METTL15: variants seen among roughly 807,000 people sequenced by gnomAD.
METTL15 encodes 12S rRNA N(4)-cytidine methyltransferase METTL15.
Under a neutral mutation model 38.3 loss-of-function variants are expected in METTL15, and 34 were observed. That is an observed-to-expected ratio of 0.89 (90% CI 0.68 to 1.18). The LOEUF (loss-of-function observed/expected upper bound fraction) is 1.18, where lower values mean the gene tolerates loss of function less well. Among genes scored for constraint, METTL15 ranks in the 50% most tolerant of loss-of-function variants. The pLI is 0.00. For missense variants in METTL15, 438 were observed against 498.4 expected (o/e 0.88, Z 1.15); for synonymous variants, 162 against 170.9 (o/e 0.95, Z 0.41).
At chr11:28,285,839 G>T (rs977039867) in intron 4 of METTL15, among the ~76,000 whole-genome samples, 102 of 152,182 alleles carry the variant, frequency 6.7e-4, no homozygotes, top group African/African-American at 2.3e-3. Context: ...GAAAAAAGAA[G>T]AATCTTCTTT....
intron 4 of METTL15, among the ~76,000 whole-genome samples, chr11:28,222,608 G>A (rs1419447323): frequency 1.3e-5 from 2 of 152,192 alleles, no homozygotes; most frequent in Non-Finnish European, 2.9e-5. Context: ...TGGTACCTCA[G>A]TTGGAAGTGC....
chr11:28,530,991 G>T (rs1262774175), downstream of METTL15, among the ~76,000 whole-genome samples: 1 of 150,714 alleles, frequency 6.6e-6, no homozygotes. Context: ...TATAATTCTA[G>T]TTTTTTTTTA....
At chr11:28,246,466 G>T (rs1319063928) in intron 4 of METTL15, among the ~76,000 whole-genome samples, 1 of 152,074 alleles carries the variant, frequency 6.6e-6, no homozygotes, top group Non-Finnish European at 1.5e-5. Flanking sequence ...ATATTACTGA[G>T]ACATTAGGAG....
At chr11:28,131,191 C>A (rs905924469) in intron 3 of METTL15, among the ~76,000 whole-genome samples, 2 of 152,114 alleles carry the variant, frequency 1.3e-5, no homozygotes, top group East Asian at 3.9e-4. Context: ...GAGAAAGCTT[C>A]TATTTTGCAC....
At chr11:28,165,165 C>G (rs1002160623) in intron 3 of METTL15, among the ~76,000 whole-genome samples, 2 of 152,078 alleles carry the variant, frequency 1.3e-5, no homozygotes, top group African/African-American at 4.8e-5. Flanking sequence ...GTGCAGATAT[C>G]TCTTTGATAT....
At chr11:28,227,437 A>T (rs748221483) in intron 4 of METTL15, among the ~76,000 whole-genome samples, 3 of 151,882 alleles carry the variant, frequency 2.0e-5, no homozygotes, top group Non-Finnish European at 2.9e-5. Context: ...TTTGAATTCA[A>T]TTTAGAACAT....
At chr11:28,217,657 G>T (rs1382707166) in intron 4 of METTL15, among the ~76,000 whole-genome samples, 1 of 152,098 alleles carries the variant, frequency 6.6e-6, no homozygotes, top group Non-Finnish European at 1.5e-5. Flanking sequence ...GAATGGTATT[G>T]CCTAGGTTTT....
At chr11:28,206,846 A>G (rs1370025960) in intron 3 of METTL15, among the ~76,000 whole-genome samples, 2 of 74,146 alleles carry the variant, frequency 2.7e-5, no homozygotes, top group Non-Finnish European at 5.1e-5. Flanking sequence ...TTGGATTCCT[A>G]GGTATTTTAT....
chr11:28,125,084 CTG>C lies in METTL15; in HGVS notation c.270+11483_270+11484del, dbSNP rs753357969. On this transcript the variant is annotated intron_variant, in intron 3 of 6. Transcript: ENST00000407364. ...CAGGTTTTTCAGAAAATTGAGATAACTGTGAGAGAGGAATGTTGTAGAATGTT... is the reference window on the plus strand; with the variant it reads ...CAGGTTTTTCAGAAAATTGAGATAACTGAGAGAGGAATGTTGTAGAATGTT... 3.3e-5 allele frequency among the ~76,000 whole-genome samples: 5 copies of C among 152,110 alleles called. No homozygotes were observed. The South Asian group carries it at 8.3e-4, about 25-fold the overall frequency.
intron 5 of METTL15, among the ~76,000 whole-genome samples, chr11:28,367,917 C>G (rs1824201893): frequency 6.6e-6 from 1 of 151,816 alleles, no homozygotes; most frequent in South Asian, 2.1e-4. Flanking sequence ...AACTGGAACC[C>G]TTTTACAACT....
intron 5 of METTL15, among the ~76,000 whole-genome samples, chr11:28,370,851 T>A (rs1850236655): frequency 6.6e-6 from 1 of 152,104 alleles, no homozygotes; most frequent in Non-Finnish European, 1.5e-5. Context: ...TAGGTCTTCT[T>A]TTGAAAAATG....
At chr11:28,477,641 A>G (rs1432151133) in intron 6 of METTL15, 1 of 152,172 alleles carries the variant, frequency 6.6e-6, no homozygotes, top group Non-Finnish European at 1.5e-5. Context: ...CATCCCTGGA[A>G]AAAAATCTAT....
chr11:28,132,849 T>C (rs1353446297), intron 3 of METTL15, among the ~76,000 whole-genome samples: 1 of 152,206 alleles, frequency 6.6e-6, no homozygotes, highest in Non-Finnish European at 1.5e-5. Flanking sequence ...TCTTAGTATG[T>C]TTTATTTGAA....
chr11:28,252,749 C>T (rs1280203843), intron 4 of METTL15, among the ~76,000 whole-genome samples: 1 of 151,992 alleles, frequency 6.6e-6, no homozygotes, highest in Admixed American at 6.6e-5. Context: ...ATCCCATATT[C>T]CTTTGCAGCT....
chr11:28,188,959 A>G (rs1378886839), intron 3 of METTL15, among the ~76,000 whole-genome samples: 1 of 151,272 alleles, frequency 6.6e-6, no homozygotes, highest in African/African-American at 2.4e-5. Flanking sequence ...ATCCTAGGTA[A>G]CTTTTAATGT....
chr11:28,119,145 T>G (rs1852099881), intron 3 of METTL15, among the ~76,000 whole-genome samples: 1 of 152,190 alleles, frequency 6.6e-6, no homozygotes. Context: ...GTATCCCAAT[T>G]ATATATCATG....
chr11:28,155,026 G>A (rs534002591), intron 3 of METTL15, among the ~76,000 whole-genome samples: 2 of 152,162 alleles, frequency 1.3e-5, no homozygotes, highest in East Asian at 3.9e-4. Context: ...ATTTATTTTG[G>A]CAGGATCAGG....
At chr11:28,345,371 G>A (rs1163616403) in intron 3 of METTL15, among the ~76,000 whole-genome samples, 5 of 151,958 alleles carry the variant, frequency 3.3e-5, no homozygotes, top group South Asian at 2.1e-4. Context: ...TGTATTTTTC[G>A]TAGAGACGGG....
intron 6 of METTL15, among the ~76,000 whole-genome samples, chr11:28,316,444 G>C (rs1411498622): frequency 6.6e-6 from 1 of 152,160 alleles, no homozygotes; most frequent in Non-Finnish European, 1.5e-5. Flanking sequence ...TAACTAACTT[G>C]CTTTTGATTT....
Sources: allele counts gnomAD v4.1 joint callset (sites outside exome capture counted in the v4.1 genomes callset), GRCh38; gene constraint gnomAD v4.1.1; transcripts MANE v1.5; gene names NCBI Gene and HGNC (gene_info 2026-07-23, HGNC 2026-07-21).